Variants in PTPRD observed in about 807,000 individuals in gnomAD.
The protein encoded by PTPRD is receptor-type tyrosine-protein phosphatase delta.
Under a neutral mutation model 214.5 loss-of-function variants are expected in PTPRD, and 34 were observed. The ratio of observed to expected loss-of-function variants is 0.16; its 90% CI spans 0.12 to 0.21. The LOEUF is 0.21. Among genes scored for constraint, PTPRD ranks in the 10% least tolerant of loss-of-function variants. The pLI, the probability that PTPRD is intolerant of heterozygous loss-of-function variation, is 1.00. For synonymous variants in PTPRD, 1,128 were observed against 845.7 expected, an observed-to-expected ratio of 1.33 and a Z score of -5.79; for missense variants, 2,545 against 2,398.7, an observed-to-expected ratio of 1.06 and a Z score of -1.27.
Position 10,522,662 on chromosome 9 carries a change from A to T in PTPRD, c.-600+89736T>A, listed in dbSNP as rs941043640. The stretch of plus-strand genomic sequence containing the variant: ...TACTGGGAAGGGTAGACTCAACCTG[A>T]ACCATCATATAATGTTTTACTTTAT... On this transcript the variant is annotated intron_variant, in intron 2 of 45. Coordinates refer to ENST00000381196, the MANE Select transcript of PTPRD (RefSeq NM_002839.4). Among the ~76,000 whole-genome samples, 18 of 152,024 alleles carry T rather than the reference A, an allele frequency of 1.2e-4. 1 individual carries two copies. Among genetic ancestry groups the T allele is most frequent in the Non-Finnish European group, 2.4e-4 (16 of 68,016 alleles).
At chr9:10,390,535 G>A (rs2098038005) in intron 2 of PTPRD, among the ~76,000 whole-genome samples, 1 of 151,828 alleles carries the variant, frequency 6.6e-6, no homozygotes, top group Non-Finnish European at 1.5e-5. Flanking sequence ...TGCACATACT[G>A]TATGTGAAAC....
chr9:9,010,749 A>G (rs2099508430), intron 11 of PTPRD, among the ~76,000 whole-genome samples: 1 of 152,124 alleles, frequency 6.6e-6, no homozygotes, highest in Non-Finnish European at 1.5e-5. Flanking sequence ...TCAATTTATT[A>G]AGCTCTCCTC....
At chr9:10,249,709 C>T (rs952646049) in intron 3 of PTPRD, among the ~76,000 whole-genome samples, 2 of 152,038 alleles carry the variant, frequency 1.3e-5, no homozygotes, top group African/African-American at 4.8e-5. Context: ...CTTGTTCCTA[C>T]AATTAGACAA....
At chr9:8,873,805 T>C (rs72704342) in intron 11 of PTPRD, among the ~76,000 whole-genome samples, 1,727 of 152,086 alleles carry the variant, frequency 0.011, 9 homozygotes, top group Non-Finnish European at 0.018. Context: ...TGACAGGAAA[T>C]GAAGAGAGGG....
At chr9:9,355,038 A>C (rs1032759324) in intron 9 of PTPRD, among the ~76,000 whole-genome samples, 5 of 151,722 alleles carry the variant, frequency 3.3e-5, no homozygotes, top group African/African-American at 4.8e-5. Context: ...TTGGTGGAGG[A>C]TGGTAACAAG....
chr9:8,485,855 T>C lies in PTPRD; in HGVS notation c.2962A>G (p.Thr988Ala), dbSNP rs1371966838. The C allele has an allele frequency of 1.2e-6, 2 of 1,614,142 alleles. No homozygotes were observed. Among genetic ancestry groups the C allele is most frequent in the Non-Finnish European group, 8.5e-7 (1 of 1,180,014 alleles). ...TMTLTGLKPD[T>A]TYDVKVRAHT... ...GCACGTACTTTTACATCGTATGTGGTATCTGGTTTTAAGCCAGTGAGTGTC... is the reference window on the plus strand; with the variant it reads ...GCACGTACTTTTACATCGTATGTGGCATCTGGTTTTAAGCCAGTGAGTGTC... The change falls in exon 28 of 46, where the codon ACC (threonine) becomes GCC (alanine). Residue 988 changes from threonine (T) to alanine (A), a missense_variant. Transcript: ENST00000381196.
intron 10 of PTPRD, among the ~76,000 whole-genome samples, chr9:9,061,229 T>C (rs2099706751): frequency 6.6e-6 from 1 of 152,212 alleles, no homozygotes; most frequent in Non-Finnish European, 1.5e-5. Flanking sequence ...TGTGTTTTTC[T>C]ATGCGTTATA....
chr9:9,633,179 C>T (rs900456328), intron 7 of PTPRD, among the ~76,000 whole-genome samples: 3 of 151,890 alleles, frequency 2.0e-5, no homozygotes, highest in Non-Finnish European at 4.4e-5. Flanking sequence ...CCTGTAATTC[C>T]AGCTACTCAG....
chr9:10,279,232 A>G (rs564656436), intron 3 of PTPRD, among the ~76,000 whole-genome samples: 2 of 152,000 alleles, frequency 1.3e-5, no homozygotes, highest in African/African-American at 4.8e-5. Flanking sequence ...GATCATCCAC[A>G]TATAGCAGAG....
At chr9:9,506,301 T>C (rs1448968027) in intron 8 of PTPRD, among the ~76,000 whole-genome samples, 2 of 151,364 alleles carry the variant, frequency 1.3e-5, no homozygotes, top group African/African-American at 2.4e-5. Context: ...TACTTAAAAT[T>C]TGTAGAAGCA....
intron 5 of PTPRD, among the ~76,000 whole-genome samples, chr9:9,806,281 A>C (rs2099072587): frequency 6.6e-6 from 1 of 152,056 alleles, no homozygotes; most frequent in Admixed American, 6.6e-5. Context: ...TGCCAAAAAA[A>C]AAGGCAGTCT....
intron 11 of PTPRD, among the ~76,000 whole-genome samples, chr9:8,940,274 TC>T (rs1417483339): frequency 2.2e-3 from 138 of 63,518 alleles, no homozygotes; most frequent in Non-Finnish European, 3.3e-3. Context: ...TCTCTCTCTC[TC>T]TCTCCTTTTT....
At chr9:9,218,099 C>G (rs536936791) in intron 9 of PTPRD, among the ~76,000 whole-genome samples, 2 of 152,190 alleles carry the variant, frequency 1.3e-5, no homozygotes, top group African/African-American at 4.8e-5. Context: ...AACACAGCAG[C>G]AAATTAATTA....
chr9:9,466,992 A>T (rs1459493529), intron 8 of PTPRD, among the ~76,000 whole-genome samples: 1 of 152,058 alleles, frequency 6.6e-6, no homozygotes, highest in Non-Finnish European at 1.5e-5. Flanking sequence ...GCTGAATTTA[A>T]ACTTTCCTAA....
chr9:9,200,851 A>C (rs558566807), intron 9 of PTPRD, among the ~76,000 whole-genome samples: 1 of 152,218 alleles, frequency 6.6e-6, no homozygotes, highest in African/African-American at 2.4e-5. Flanking sequence ...CTTACACAAA[A>C]CCATCATTGA....
intron 5 of PTPRD, among the ~76,000 whole-genome samples, chr9:9,823,952 T>C (rs1023698719): frequency 6.6e-6 from 1 of 152,084 alleles, no homozygotes; most frequent in African/African-American, 2.4e-5. Context: ...ACACATTTTA[T>C]GTTTGTATCA....
intron 9 of PTPRD, among the ~76,000 whole-genome samples, chr9:9,376,864 T>G (rs888280618): frequency 1.1e-4 from 16 of 152,124 alleles, no homozygotes; most frequent in Admixed American, 3.3e-4. Flanking sequence ...TCCTTTAGTA[T>G]TCAGTAACTT....
intron 5 of PTPRD, among the ~76,000 whole-genome samples, chr9:9,908,789 C>A (rs2078349633): frequency 6.6e-6 from 1 of 151,748 alleles, no homozygotes; most frequent in Non-Finnish European, 1.5e-5. Context: ...TGAAACTTAT[C>A]TTTGGGAAGT....
chr9:10,345,816 T>C (rs889811435), intron 2 of PTPRD, among the ~76,000 whole-genome samples: 5 of 152,190 alleles, frequency 3.3e-5, no homozygotes, highest in African/African-American at 1.2e-4. Context: ...TATTTCTGGT[T>C]CTGGATCCTT....
Sources: allele counts gnomAD v4.1 joint callset (sites outside exome capture counted in the v4.1 genomes callset), GRCh38; gene constraint gnomAD v4.1.1; transcripts MANE v1.5; gene names NCBI Gene and HGNC (gene_info 2026-07-23, HGNC 2026-07-21).